KIRREL3: variants seen among roughly 807,000 people sequenced by gnomAD.
The protein encoded by KIRREL3 is kin of IRRE-like protein 3.
KIRREL3 carries 36 observed loss-of-function variants against 89.7 expected under a neutral mutation model. The observed-to-expected ratio is 0.40, with a 90% CI of 0.31 to 0.53. The LOEUF (loss-of-function observed/expected upper bound fraction) is 0.53, where lower values mean the gene tolerates loss of function less well. Among genes scored for constraint, KIRREL3 ranks in the 20% least tolerant of loss-of-function variants. The probability of loss-of-function intolerance (pLI) is 0.49; values close to 1 mark genes in which losing one functional copy is unlikely to be tolerated. For synonymous variants in KIRREL3, 445 were observed against 441.4 expected (o/e 1.01, Z -0.10); for missense variants, 864 against 1,056.6 (o/e 0.82, Z 2.53).
intron 1 of KIRREL3, chr11:126,920,113 A>T (rs547951361): frequency 6.6e-6 from 1 of 152,340 alleles, no homozygotes; most frequent in Non-Finnish European, 1.5e-5. Flanking sequence ...TGTACAGATG[A>T]AAGTTTTCAA....
chr11:126,926,607 G>A (rs2434981), intron 1 of KIRREL3, among the ~76,000 whole-genome samples: 20,877 of 152,076 alleles, frequency 0.14, 1,883 homozygotes, highest in South Asian at 0.32. Context: ...TTCCTGCCCC[G>A]GTGACTTGCT....
intron 1 of KIRREL3, among the ~76,000 whole-genome samples, chr11:126,691,088 A>C (rs1364581015): frequency 3.3e-5 from 5 of 152,250 alleles, no homozygotes; most frequent in Admixed American, 6.5e-5. Context: ...TATCAAGGGC[A>C]CAAGAGATAC....
chr11:126,927,896 C>T (rs1026788530), intron 1 of KIRREL3, among the ~76,000 whole-genome samples: 8 of 152,214 alleles, frequency 5.3e-5, no homozygotes, highest in Non-Finnish European at 1.0e-4. Flanking sequence ...TTCACTTAGG[C>T]TTTGCCACTT....
intron 1 of KIRREL3, among the ~76,000 whole-genome samples, chr11:126,732,412 A>G (rs1259646170): frequency 6.6e-6 from 1 of 152,200 alleles, no homozygotes. Context: ...GCACACAAAG[A>G]AAGGAAAGCA....
At chr11:126,448,175 C>T (rs547212211) in intron 8 of KIRREL3, among the ~76,000 whole-genome samples, 2 of 148,210 alleles carry the variant, frequency 1.3e-5, no homozygotes, top group Non-Finnish European at 3.0e-5. Context: ...CCCAGCTACT[C>T]GGGAGGCTGA....
At chr11:126,524,784 G>A (rs1028044954) in intron 3 of KIRREL3, among the ~76,000 whole-genome samples, 3 of 152,162 alleles carry the variant, frequency 2.0e-5, no homozygotes, top group South Asian at 2.1e-4. Context: ...GAGAGCTTTC[G>A]CGGTGTTAAG....
Position 126,719,136 on chromosome 11 carries a change from C to T in KIRREL3, c.56-156224G>A, listed in dbSNP as rs576578094. On this transcript the variant is annotated intron_variant, in intron 1 of 16. Transcript: ENST00000525144. The surrounding 1 kb of genome is among the most constrained non-coding windows in gnomAD (Gnocchi z 4.7). The stretch of plus-strand genomic sequence containing the variant: ...TCTCTCACTGTCTCCTTCATCTAGA[C>T]AAACGCATTTCCCTTCATTCCGACA... 6.6e-6 allele frequency among the ~76,000 whole-genome samples: 1 copy of T among 152,332 alleles called. No homozygotes were observed. The highest frequency in any genetic ancestry group is 2.4e-5 in the African/African-American group (1 of 41,584).
rs1949951391 is a variant in KIRREL3 at position 126,769,461 on chromosome 11, C to T, written c.56-206549G>A. Among the ~76,000 whole-genome samples the T allele has an allele frequency of 1.3e-5, 2 of 152,172 alleles. No individual in the cohort carries two copies. Among genetic ancestry groups the T allele is most frequent in the African/African-American group, 2.4e-5 (1 of 41,444 alleles). On this transcript the variant is annotated intron_variant, in intron 1 of 16. Transcript: ENST00000525144. The surrounding 1 kb of genome is among the most constrained non-coding windows in gnomAD (Gnocchi z 4.3). ...TATTGCCATCAAGAAGAGGGGCCCA[C>T]TCCCCGTGAAAACCGTGCACTCCTG... is the stretch of plus-strand genomic sequence containing the variant.
chr11:126,445,818 A>G (rs969100590), intron 9 of KIRREL3, among the ~76,000 whole-genome samples: 1 of 152,084 alleles, frequency 6.6e-6, no homozygotes, highest in African/African-American at 2.4e-5. Context: ...GACATCTGAC[A>G]ATCTCTTATG....
chr11:126,554,220 G>A (rs1220520870), intron 2 of KIRREL3, among the ~76,000 whole-genome samples: 1 of 152,194 alleles, frequency 6.6e-6, no homozygotes, highest in Non-Finnish European at 1.5e-5. Flanking sequence ...AAGACAGGAT[G>A]AGTATTTCAG....
chr11:126,595,559 C>T (rs995157552), intron 1 of KIRREL3, among the ~76,000 whole-genome samples: 11 of 152,214 alleles, frequency 7.2e-5, no homozygotes, highest in South Asian at 6.2e-4. Context: ...TCACAGCAAC[C>T]GGTAAGGGAT....
chr11:126,928,810 ATTAAG>A (rs1488998114), intron 1 of KIRREL3, among the ~76,000 whole-genome samples: 6 of 152,166 alleles, frequency 3.9e-5, no homozygotes, highest in Non-Finnish European at 7.3e-5. Flanking sequence ...AGAGGGAAGA[ATTAAG>A]TTAAGTTTGT....
intron 1 of KIRREL3, among the ~76,000 whole-genome samples, chr11:126,630,879 C>A (rs1324952010): frequency 6.6e-6 from 1 of 152,168 alleles, no homozygotes; most frequent in Non-Finnish European, 1.5e-5. Context: ...ACACTATGTG[C>A]CTGATCACTC....
At chr11:126,787,171 C>A (rs1339543602) in intron 1 of KIRREL3, among the ~76,000 whole-genome samples, 2 of 152,126 alleles carry the variant, frequency 1.3e-5, no homozygotes, top group African/African-American at 2.4e-5. Flanking sequence ...AGAGAGAACA[C>A]CTGACAGAAT....
At chr11:126,753,972 A>T (rs1300566256) in intron 1 of KIRREL3, among the ~76,000 whole-genome samples, 1 of 152,180 alleles carries the variant, frequency 6.6e-6, no homozygotes, top group African/African-American at 2.4e-5. Flanking sequence ...TCCTTTTCAG[A>T]CTGGGACTGG....
Position 126,909,565 on chromosome 11 carries a change from C to G in KIRREL3, c.55+90890G>C, listed in dbSNP as rs1946727714. On this transcript the variant is annotated intron_variant, in intron 1 of 16. Transcript: ENST00000525144. The surrounding 1 kb of genome is among the most constrained non-coding windows in gnomAD (Gnocchi z 4.5). ...AATACACCCCGTGGGTAATTAACAA[C>G]CGAGAAAGGGCTCTGCTGAATGGAG... 2.0e-5 allele frequency among the ~76,000 whole-genome samples: 3 copies of G among 152,270 alleles called. No individual in the cohort carries two copies. In the South Asian group the frequency reaches 6.2e-4, roughly 32 times the overall value.
chr11:126,919,081 A>T (rs1947163737), intron 1 of KIRREL3, among the ~76,000 whole-genome samples: 1 of 151,764 alleles, frequency 6.6e-6, no homozygotes, highest in East Asian at 1.9e-4. Context: ...ACCCAAGGAG[A>T]TATGATTTTT....
chr11:126,760,313 CAG>C (rs1949629692), intron 1 of KIRREL3, among the ~76,000 whole-genome samples: 1 of 152,208 alleles, frequency 6.6e-6, no homozygotes, highest in African/African-American at 2.4e-5. Context: ...AGAGCTCTAG[CAG>C]TGGGAGTAGA....
Position 126,652,537 on chromosome 11 carries a change from G to A in KIRREL3, c.56-89625C>T, listed in dbSNP as rs1944947229. 6.6e-6 allele frequency among the ~76,000 whole-genome samples: 1 copy of A among 152,192 alleles called. No individual in the cohort carries two copies. The highest frequency in any genetic ancestry group is 1.5e-5 in the Non-Finnish European group (1 of 68,038). On this transcript the variant is annotated intron_variant, in intron 1 of 16. Transcript: ENST00000525144. The surrounding 1 kb of genome is among the most constrained non-coding windows in gnomAD (Gnocchi z 4.9). ...TCTCCACTTCACAGGTCAGGGGGCT[G>A]TGGACAAGAGGTCAGGCCATTTGCC... is the stretch of plus-strand genomic sequence containing the variant.
Sources: allele counts gnomAD v4.1 joint callset (sites outside exome capture counted in the v4.1 genomes callset), GRCh38; gene constraint gnomAD v4.1.1; non-coding constraint Gnocchi (gnomAD v3.1); transcripts MANE v1.5; gene names NCBI Gene and HGNC (gene_info 2026-07-23, HGNC 2026-07-21).